The following SEMA3B variants were observed in gnomAD, a reference collection of about 807,000 sequenced individuals.
The protein encoded by SEMA3B is semaphorin-3B.
Under a neutral mutation model 77.8 loss-of-function variants are expected in SEMA3B, and 71 were observed. The observed-to-expected ratio is 0.91, with a 90% CI of 0.75 to 1.11. SEMA3B has a LOEUF of 1.11. Among genes scored for constraint, SEMA3B ranks in the 50% most tolerant of loss-of-function variants. The pLI is 0.00. For synonymous variants in SEMA3B, 470 were observed against 452.9 expected (o/e 1.04, Z -0.48); for missense variants, 968 against 1,056.8 (o/e 0.92, Z 1.17).
At position 50,274,830 on chromosome 3, in the gene SEMA3B, C is replaced by G; in HGVS notation, c.1358-13C>G. 1 of 1,609,770 alleles carries G rather than the reference C, an allele frequency of 6.2e-7. No homozygotes were observed. The highest frequency in any genetic ancestry group is 8.5e-7 in the Non-Finnish European group (1 of 1,179,290). On this transcript the variant is annotated splice_polypyrimidine_tract_variant and intron_variant, in intron 11 of 16. Coordinates refer to ENST00000616701, the MANE Select transcript of SEMA3B (RefSeq NM_001290060.2). This position sits in a 1 kb window ranked among gnomAD's most constrained non-coding sequence, Gnocchi z 4.7. ...GGAGCACCAATGGTCATTACCCCTTCTCATCCCTGCAGACGTTGGCACGGT... is the reference window on the plus strand; with the variant it reads ...GGAGCACCAATGGTCATTACCCCTTGTCATCCCTGCAGACGTTGGCACGGT...
chr3:50,274,355 AC>A lies in SEMA3B; in HGVS notation c.1138-3del. 1 of 1,450,036 alleles carries A rather than the reference AC, an allele frequency of 6.9e-7. No individual in the cohort carries two copies. The highest frequency in any genetic ancestry group is 9.1e-7 in the Non-Finnish European group (1 of 1,098,476). The allele number at this position is 1,450,036 out of a possible 1,614,324, so 89.8% of individuals were successfully genotyped here. A position where few individuals can be genotyped will look rare whatever the true frequency, so the allele number is the denominator to read the frequency against. Reference sequence around the variant, plus strand: ...TCCCTGCTGTGCCTCCCTTTCCCCCACCCCCAGTGCCCCAGCAAGACCTTTG... The same window carrying A: ...TCCCTGCTGTGCCTCCCTTTCCCCCACCCCAGTGCCCCAGCAAGACCTTTG... On this transcript the variant is annotated splice_region_variant and splice_polypyrimidine_tract_variant and intron_variant, in intron 10 of 16. Coordinates refer to ENST00000616701, the MANE Select transcript of SEMA3B (RefSeq NM_001290060.2). The surrounding 1 kb of genome is among the most constrained non-coding windows in gnomAD (Gnocchi z 4.7).
rs1553706420 is a variant in SEMA3B, at chr3:50,275,527, A to T, written c.1650-33A>T. On this transcript the variant is annotated intron_variant, in intron 14 of 16. Transcript: ENST00000616701. The surrounding 1 kb of genome is among the most constrained non-coding windows in gnomAD (Gnocchi z 7.5). ...GTCTTTCACTGCCCGGGGCTGAAAGAAGGGCTCACAGAAGATCGGATGTTC... is the reference window on the plus strand; with the variant it reads ...GTCTTTCACTGCCCGGGGCTGAAAGTAGGGCTCACAGAAGATCGGATGTTC... 2.5e-6 allele frequency: 4 copies of T among 1,613,386 alleles called. No individual in the cohort carries two copies. The South Asian group carries it at 4.4e-5, about 18-fold the overall frequency.
upstream of SEMA3B, among the ~76,000 whole-genome samples, chr3:50,263,811 G>C (rs587756892): frequency 6.6e-6 from 1 of 152,224 alleles, no homozygotes; most frequent in East Asian, 1.9e-4. Context: ...CCCCACCCAG[G>C]GGAGGGAGGG....
chr3:50,276,289 C>G lies in SEMA3B; in HGVS notation c.1846-13C>G, dbSNP rs1313999049. On this transcript the variant is annotated splice_polypyrimidine_tract_variant and intron_variant, in intron 16 of 16. Transcript: ENST00000616701. The surrounding 1 kb of genome is among the most constrained non-coding windows in gnomAD (Gnocchi z 5.8). ...GCCCGACACCCCCGCCTCACGCTGC[C>G]CTCTGCCCGCAGGTGCTGGCAGAGG... 1 of 1,484,856 alleles carries G rather than the reference C, an allele frequency of 6.7e-7. No homozygotes were observed. 92.0% of individuals were successfully genotyped at this position (1,484,856 alleles called of 1,614,324 possible).
chr3:50,276,787 G>T lies in SEMA3B; in HGVS notation c.*81G>T. On this transcript the variant is annotated 3_prime_UTR_variant, in exon 17 of 17. Coordinates refer to ENST00000616701, the MANE Select transcript of SEMA3B (RefSeq NM_001290060.2). The surrounding 1 kb of genome is among the most constrained non-coding windows in gnomAD (Gnocchi z 5.8). The stretch of plus-strand genomic sequence containing the variant: ...AGACAGACCCTGAAAAGAAGGACGG[G>T]TTGGGGCCGGGCACATTGGGGGTCA... 2 of 1,398,054 alleles carry T rather than the reference G, an allele frequency of 1.4e-6. No homozygotes were observed. Among genetic ancestry groups the T allele is most frequent in the South Asian group, 3.1e-5 (2 of 63,876 alleles). The allele number at this position is 1,398,054 out of a possible 1,614,324, so 86.6% of individuals were successfully genotyped here.
At position 50,273,063 on chromosome 3, in the gene SEMA3B, C is replaced by T. The variant is rs1432454936; in HGVS notation, c.665-235C>T. The T allele has an allele frequency of 1.8e-6, 1 of 566,128 alleles. No homozygotes were observed. Among genetic ancestry groups the T allele is most frequent in the South Asian group, 2.2e-5 (1 of 44,936 alleles). 35.1% of individuals were successfully genotyped at this position (566,128 alleles called of 1,614,324 possible). ...GCTAGCCGGGCTTCACGCCTGCGCC[C>T]CCAGGTAGCCACGGTCTCTGCTGCC... On this transcript the variant is annotated intron_variant, in intron 6 of 16. Coordinates refer to ENST00000616701, the MANE Select transcript of SEMA3B (RefSeq NM_001290060.2). This position sits in a 1 kb window ranked among gnomAD's most constrained non-coding sequence, Gnocchi z 6.5.
In SEMA3B at chr3:50,276,655, C is replaced by G; in HGVS notation, c.2199C>G (p.His733Gln). 6.3e-7 allele frequency: 1 copy of G among 1,586,884 alleles called. No individual in the cohort carries two copies. The highest frequency in any genetic ancestry group is 8.5e-7 in the Non-Finnish European group (1 of 1,172,392). The change falls in exon 17 of 17, where the codon CAC becomes CAG. Residue 733 changes from histidine to glutamine, a missense_variant. Transcript: ENST00000616701. This position sits in a 1 kb window ranked among gnomAD's most constrained non-coding sequence, Gnocchi z 5.8. The part of the protein sequence containing the change: ...SRRKGRNRRT[H>Q]APEPRAERGP... ...GAAAGGGCCGTAACCGGAGGACCCACGCCCCTGAGCCTCGCGCTGAGCGGG... is the reference window on the plus strand; with the variant it reads ...GAAAGGGCCGTAACCGGAGGACCCAGGCCCCTGAGCCTCGCGCTGAGCGGG...
At chr3:50,266,214 A>G (rs139715543), upstream of SEMA3B, among the ~76,000 whole-genome samples, 967 of 152,262 alleles carry the variant, frequency 6.4e-3, 6 homozygotes, top group Middle Eastern at 0.037. Flanking sequence ...AAAGCTGTAA[A>G]CAGCCAAAGA....
chr3:50,276,304 G>A lies in SEMA3B; in HGVS notation c.1848G>A (p.Val616=), dbSNP rs1553706681. Residue 616 remains valine (V), a splice_region_variant and synonymous_variant, in exon 17 of 17, where the codon GTG becomes GTA. Coordinates refer to ENST00000616701, the MANE Select transcript of SEMA3B (RefSeq NM_001290060.2). This position sits in a 1 kb window ranked among gnomAD's most constrained non-coding sequence, Gnocchi z 5.8. The stretch of plus-strand genomic sequence containing the variant: ...CTCACGCTGCCCTCTGCCCGCAGGT[G>A]CTGGCAGAGGAGCGCACCGAGCGCA... ...QRAGVTAHTQ[V]LAEERTERTA... is the part of the protein sequence containing the mutation. 2 of 1,503,126 alleles carry A rather than the reference G, an allele frequency of 1.3e-6. No individual in the cohort carries two copies. Among genetic ancestry groups the A allele is most frequent in the Admixed American group, 4.2e-5 (2 of 47,420 alleles). 93.1% of individuals were successfully genotyped at this position (1,503,126 alleles called of 1,614,324 possible).
Position 50,273,322 on chromosome 3 carries a change from G to T in SEMA3B, c.689G>T (p.Trp230Leu), listed in dbSNP as rs111303262. The T allele has an allele frequency of 3.5e-4, 572 of 1,613,806 alleles. No homozygotes were observed. The highest frequency in any genetic ancestry group is 4.6e-4 in the Non-Finnish European group (547 of 1,179,844). ...GAGCCCAAGTTTGTCAAGGTATTTT[G>T]GATCCCGGAGAGCGAGAACCCAGAC... is the stretch of plus-strand genomic sequence containing the variant. ...LNEPKFVKVFWIPESENPDDD... is the reference protein window; with the variant it reads ...LNEPKFVKVFLIPESENPDDD... Residue 230 changes from tryptophan to leucine, a missense_variant, in exon 7 of 17, where the codon TGG becomes TTG. Trp to Leu is a moderately conservative substitution (Grantham distance 61). Transcript: ENST00000616701. This position sits in a 1 kb window ranked among gnomAD's most constrained non-coding sequence, Gnocchi z 6.5.
rs1553706724 is a variant in SEMA3B, at chr3:50,276,373, G to A, written c.1917G>A (p.Ser639=). 6.5e-7 allele frequency: 1 copy of A among 1,535,150 alleles called. No individual in the cohort carries two copies. Among genetic ancestry groups the A allele is most frequent in the Non-Finnish European group, 8.7e-7 (1 of 1,145,250 alleles). ...TGCGCAGGCTGCGGCGCCGGGACTC[G>A]GGCGTGTACTTGTGCGCCGCCGTCG... ...LLLRRLRRRD[S]GVYLCAAVEQ... is the part of the protein sequence containing the mutation. Residue 639 remains serine (S), a synonymous_variant, in exon 17 of 17, where the codon TCG becomes TCA. Coordinates refer to ENST00000616701, the MANE Select transcript of SEMA3B (RefSeq NM_001290060.2). The surrounding 1 kb of genome is among the most constrained non-coding windows in gnomAD (Gnocchi z 5.8).
chr3:50,276,291 T>C lies in SEMA3B; in HGVS notation c.1846-11T>C. ...CCGACACCCCCGCCTCACGCTGCCC[T>C]CTGCCCGCAGGTGCTGGCAGAGGAG... On this transcript the variant is annotated splice_polypyrimidine_tract_variant and intron_variant, in intron 16 of 16. Coordinates refer to ENST00000616701, the MANE Select transcript of SEMA3B (RefSeq NM_001290060.2). The surrounding 1 kb of genome is among the most constrained non-coding windows in gnomAD (Gnocchi z 5.8). 1 of 1,486,016 alleles carries C rather than the reference T, an allele frequency of 6.7e-7. No individual in the cohort carries two copies. Among genetic ancestry groups the C allele is most frequent in the South Asian group, 1.3e-5 (1 of 77,970 alleles). 92.1% of individuals were successfully genotyped at this position (1,486,016 alleles called of 1,614,324 possible). A position where few individuals can be genotyped will look rare whatever the true frequency, so the allele number is the denominator to read the frequency against.
chr3:50,265,640 G>C (rs1244204540), upstream of SEMA3B, among the ~76,000 whole-genome samples: 3 of 152,250 alleles, frequency 2.0e-5, no homozygotes, highest in Non-Finnish European at 4.4e-5. Context: ...TAGGAGTACA[G>C]GCAGGAAAAG....
At position 50,273,847 on chromosome 3, in the gene SEMA3B, G is replaced by A. The variant is rs1200866951; in HGVS notation, c.992+19G>A. ...CGTCCAGGTGAGGGGCAGGAGGTAG[G>A]GAGCGCCCGGGGCGGGCCGCTGGGC... On this transcript the variant is annotated intron_variant, in intron 9 of 16. Transcript: ENST00000616701. This position sits in a 1 kb window ranked among gnomAD's most constrained non-coding sequence, Gnocchi z 6.5. 30 of 1,567,860 alleles carry A rather than the reference G, an allele frequency of 1.9e-5. No individual in the cohort carries two copies. The highest frequency in any genetic ancestry group is 2.6e-5 in the Non-Finnish European group (30 of 1,155,164).
In SEMA3B at chr3:50,269,926, G is replaced by C. The variant is rs1700999678; in HGVS notation, c.110-201G>C. On this transcript the variant is annotated intron_variant, in intron 1 of 16. Transcript: ENST00000616701. The surrounding 1 kb of genome is among the most constrained non-coding windows in gnomAD (Gnocchi z 4.0). ...CAACCTGCCTTCCTCTTCCTGGGGG[G>C]ATGTACCACCTACCCTGGCAGCTCC... Among the ~76,000 whole-genome samples the C allele has an allele frequency of 6.6e-6, 1 of 152,168 alleles. No individual in the cohort carries two copies. The highest frequency in any genetic ancestry group is 2.4e-5 in the African/African-American group (1 of 41,450).
Position 50,274,264 on chromosome 3 carries a change from C to A in SEMA3B, c.1138-99C>A. 1 of 1,232,916 alleles carries A rather than the reference C, an allele frequency of 8.1e-7. No individual in the cohort carries two copies. Among genetic ancestry groups the A allele is most frequent in the Non-Finnish European group, 1.1e-6 (1 of 887,034 alleles). 76.4% of individuals were successfully genotyped at this position (1,232,916 alleles called of 1,614,324 possible). A position where few individuals can be genotyped will look rare whatever the true frequency, so the allele number is the denominator to read the frequency against. On this transcript the variant is annotated intron_variant, in intron 10 of 16. Coordinates refer to ENST00000616701, the MANE Select transcript of SEMA3B (RefSeq NM_001290060.2). The surrounding 1 kb of genome is among the most constrained non-coding windows in gnomAD (Gnocchi z 4.7). ...CTAATTCTCAGGGCAGGGTTCTGTCCCCATCCCCCTCCATGTTCCCAGAGG... is the reference window on the plus strand; with the variant it reads ...CTAATTCTCAGGGCAGGGTTCTGTCACCATCCCCCTCCATGTTCCCAGAGG...
Position 50,270,329 on chromosome 3 carries a change from T to C in SEMA3B, c.267+45T>C. ...CCAGCACTCCCCAGGGAAGGAGCCC[T>C]GGGACCCCACTCCAGCCTGGAGAGA... On this transcript the variant is annotated intron_variant, in intron 2 of 16. Coordinates refer to ENST00000616701, the MANE Select transcript of SEMA3B (RefSeq NM_001290060.2). This position sits in a 1 kb window ranked among gnomAD's most constrained non-coding sequence, Gnocchi z 4.7. 6.2e-7 allele frequency: 1 copy of C among 1,609,524 alleles called. No individual in the cohort carries two copies. The highest frequency in any genetic ancestry group is 1.1e-5 in the South Asian group (1 of 90,918).
In SEMA3B at chr3:50,270,673, C is replaced by T; in HGVS notation, c.330+178C>T. 8.7e-7 allele frequency: 1 copy of T among 1,143,362 alleles called. No homozygotes were observed. Among genetic ancestry groups the T allele is most frequent in the Non-Finnish European group, 1.2e-6 (1 of 818,044 alleles). The allele number at this position is 1,143,362 out of a possible 1,614,324, so 70.8% of individuals were successfully genotyped here. A position where few individuals can be genotyped will look rare whatever the true frequency, so the allele number is the denominator to read the frequency against. ...GGCTCGTGTAATTCTTCTGGGGTGC[C>T]TCTGAGTCATGGGAGGCTTTGCAGG... is the stretch of plus-strand genomic sequence containing the variant. On this transcript the variant is annotated intron_variant, in intron 3 of 16. Transcript: ENST00000616701. This position sits in a 1 kb window ranked among gnomAD's most constrained non-coding sequence, Gnocchi z 4.7.
chr3:50,273,342 C>G lies in SEMA3B; in HGVS notation c.709C>G (p.Pro237Ala), dbSNP rs1019541477. Reference sequence around the variant, plus strand: ...ATTTTGGATCCCGGAGAGCGAGAACCCAGACGACGACAAAATCTACTTCTT... The same window carrying G: ...ATTTTGGATCCCGGAGAGCGAGAACGCAGACGACGACAAAATCTACTTCTT... ...KVFWIPESEN[P>A]DDDKIYFFFR... The change falls in exon 7 of 17, where the codon CCA becomes GCA. Residue 237 changes from proline (P) to alanine (A), a missense_variant. By Grantham distance (27) the Pro-to-Ala change is conservative. Coordinates refer to ENST00000616701, the MANE Select transcript of SEMA3B (RefSeq NM_001290060.2). This position sits in a 1 kb window ranked among gnomAD's most constrained non-coding sequence, Gnocchi z 6.5. The G allele has an allele frequency of 6.2e-7, 1 of 1,613,998 alleles. No homozygotes were observed.
Sources: gnomAD v4.1 joint callset for allele counts (sites outside exome capture counted in the v4.1 genomes callset) on GRCh38, gnomAD v4.1.1 for gene constraint, Gnocchi (gnomAD v3.1) non-coding constraint, MANE v1.5 for transcripts, NCBI Gene and HGNC (gene_info 2026-07-23, HGNC 2026-07-21) for gene names.